The following FGF13 variants were observed in gnomAD, a reference collection of about 807,000 sequenced individuals.
FGF13 encodes fibroblast growth factor 13.
FGF13 carries 2 observed loss-of-function variants against 19.5 expected under a neutral mutation model. The ratio of observed to expected loss-of-function variants is 0.10; its 90% CI spans 0.04 to 0.32. The LOEUF (loss-of-function observed/expected upper bound fraction) is 0.32. Among genes scored for constraint, FGF13 ranks in the 10% least tolerant of loss-of-function variants. The pLI is 1.00. For synonymous variants in FGF13, 72 were observed against 76.9 expected (o/e 0.94, Z 0.33); for missense variants, 113 against 192.7 (o/e 0.59, Z 2.45).
intron 1 of FGF13, among the ~76,000 whole-genome samples, chrX:138,984,539 G>GAAGAAC (rs2091980400): frequency 3.4e-5 from 1 of 29,131 alleles, no homozygotes; most frequent in African/African-American, 1.2e-4. Flanking sequence ...AGAAGAAGAA[G>GAAGAAC]AAGAAGAAGA....
At chrX:139,046,274 G>A (rs1319616844) in intron 1 of FGF13, among the ~76,000 whole-genome samples, 1 of 111,193 alleles carries the variant, frequency 9.0e-6, no homozygotes, top group African/African-American at 3.3e-5. Context: ...GATCTTGTGA[G>A]AACTCACTAT....
intron 1 of FGF13, among the ~76,000 whole-genome samples, chrX:139,135,345 T>A (rs1403851462): frequency 8.9e-6 from 1 of 112,025 alleles, no homozygotes; most frequent in Non-Finnish European, 1.9e-5. Flanking sequence ...CATAAGAAAG[T>A]GATGATTGTA....
At chrX:138,633,520 C>T (rs1467674325) in intron 4 of FGF13, among the ~76,000 whole-genome samples, 4 of 111,984 alleles carry the variant, frequency 3.6e-5, no homozygotes, top group African/African-American at 1.3e-4. Flanking sequence ...CTGTACAAGG[C>T]AAATATTAAA....
chrX:138,943,612 T>A (rs1023859854), intron 1 of FGF13, among the ~76,000 whole-genome samples: 4 of 111,968 alleles, frequency 3.6e-5, no homozygotes, highest in Admixed American at 2.8e-4. Context: ...TGAACAGTAA[T>A]AGAAAGGAAG....
At chrX:138,809,525 A>G (rs2090903149) in intron 3 of FGF13, among the ~76,000 whole-genome samples, 1 of 111,834 alleles carries the variant, frequency 8.9e-6, no homozygotes, top group Admixed American at 9.5e-5. Flanking sequence ...ATTCCCTTTG[A>G]AAACTGGCAC....
chrX:138,929,235 CTGTGTGTGTG>C (rs10622697), intron 1 of FGF13, among the ~76,000 whole-genome samples: 2 of 97,789 alleles, frequency 2.0e-5, no homozygotes, highest in Non-Finnish European at 4.1e-5. Context: ...GAGGAAAACT[CTGTGTGTGTG>C]TGTGTGTGTG....
rs140049910 is a variant in FGF13 at position 138,866,901 on chromosome X, A to G, written c.-112-2251T>C. Among the ~76,000 whole-genome samples, 46 of 112,037 alleles carry G rather than the reference A, an allele frequency of 4.1e-4. No individual in the cohort carries two copies. In the East Asian group the frequency reaches 0.012, roughly 30 times the overall value. ...TCAATTCTCTTCTCTTCTGAGGCCAAGCATTATTTGGGCATCAGTTAAATA... is the reference window on the plus strand; with the variant it reads ...TCAATTCTCTTCTCTTCTGAGGCCAGGCATTATTTGGGCATCAGTTAAATA... On this transcript the variant is annotated intron_variant, in intron 1 of 2. Coordinates refer to the FGF13 transcript ENST00000421460.
chrX:138,869,868 G>C (rs1055499201), intron 1 of FGF13, among the ~76,000 whole-genome samples: 7 of 111,787 alleles, frequency 6.3e-5, no homozygotes, highest in Non-Finnish European at 1.3e-4. Flanking sequence ...TTATTTTCAG[G>C]GGGGCTGTCC....
At chrX:138,911,717 T>G (rs1052892449) in intron 1 of FGF13, among the ~76,000 whole-genome samples, 3 of 112,126 alleles carry the variant, frequency 2.7e-5, no homozygotes, top group Non-Finnish European at 5.6e-5. Context: ...TGAATCTCCA[T>G]GGCAAATATT....
chrX:138,847,509 A>G (rs2091191129), intron 3 of FGF13, among the ~76,000 whole-genome samples: 1 of 111,814 alleles, frequency 8.9e-6, no homozygotes, highest in Non-Finnish European at 1.9e-5. Flanking sequence ...GTGGAAGTGG[A>G]CAAGTGATTT....
chrX:139,179,884 T>A (rs1453274241), intron 1 of FGF13, among the ~76,000 whole-genome samples: 1 of 113,186 alleles, frequency 8.8e-6, no homozygotes, highest in Non-Finnish European at 1.9e-5. Flanking sequence ...GTATGGTCAA[T>A]AAAGGAAGGC....
chrX:139,093,502 T>A (rs2083451532), intron 1 of FGF13, among the ~76,000 whole-genome samples: 1 of 112,160 alleles, frequency 8.9e-6, no homozygotes, highest in Admixed American at 9.4e-5. Flanking sequence ...AACCTCCCAC[T>A]AGAGAGCTAA....
chrX:138,781,586 T>G lies in FGF13; in HGVS notation c.218-72658A>C, dbSNP rs767465933. On this transcript the variant is annotated intron_variant, in intron 3 of 6. Coordinates refer to the FGF13 transcript ENST00000436198. ...ATCTAGAAGAAATGGATAAATTCCT[T>G]GACACATACACTCTCCCAAGACTAA... is the stretch of plus-strand genomic sequence containing the variant. Among the ~76,000 whole-genome samples, 496 of 111,229 alleles carry G rather than the reference T, an allele frequency of 4.5e-3. 1 individual carries two copies. The highest frequency in any genetic ancestry group is 7.7e-3 in the Non-Finnish European group (410 of 52,964).
At chrX:138,954,921 G>C (rs1329783403) in intron 1 of FGF13, among the ~76,000 whole-genome samples, 2 of 112,172 alleles carry the variant, frequency 1.8e-5, no homozygotes, top group African/African-American at 6.5e-5. Flanking sequence ...CTCATTAATG[G>C]AAAGACACTT....
intron 1 of FGF13, among the ~76,000 whole-genome samples, chrX:138,906,076 C>A (rs958631896): frequency 9.0e-6 from 1 of 111,325 alleles, no homozygotes; most frequent in Non-Finnish European, 1.9e-5. Context: ...TTCCAAAAAA[C>A]CAATGCAAAA....
intron 1 of FGF13, among the ~76,000 whole-genome samples, chrX:139,048,079 C>T (rs1326657687): frequency 5.4e-5 from 6 of 110,914 alleles, no homozygotes; most frequent in African/African-American, 9.8e-5. Flanking sequence ...GAACATCACC[C>T]CACAGACATA....
In FGF13 at chrX:138,619,440, A is replaced by G. The variant is rs1387782076; in HGVS notation, c.*13410T>C. 3.6e-5 allele frequency: 4 copies of G among 111,729 alleles called. No individual in the cohort carries two copies. Among genetic ancestry groups the G allele is most frequent in the African/African-American group, 6.5e-5 (2 of 30,681 alleles). 9.2% of individuals were successfully genotyped at this position (111,729 alleles called of 1,213,427 possible). On this transcript the variant is annotated 3_prime_UTR_variant, in exon 5 of 5. Coordinates refer to ENST00000315930, the MANE Select transcript of FGF13 (RefSeq NM_004114.5). ...AAACCACCATGGCACGTGCATACCT[A>G]TGTAACAAACCTGCACATTCTGCAC...
At chrX:138,762,912 G>T (rs2090477488) in intron 3 of FGF13, among the ~76,000 whole-genome samples, 1 of 111,390 alleles carries the variant, frequency 9.0e-6, no homozygotes, top group African/African-American at 3.3e-5. Context: ...AGGAATGCTG[G>T]ATCTCAGGTC....
At chrX:139,100,041 A>AACACACACACACACACACACAC (rs56821859) in intron 1 of FGF13, among the ~76,000 whole-genome samples, 2 of 76,425 alleles carry the variant, frequency 2.6e-5, no homozygotes, top group Admixed American at 1.6e-4. Context: ...GGGGAAAGCA[A>AACACACACACACACACACACAC]ACACACACAC....
Sources: gnomAD v4.1 joint callset for allele counts (sites outside exome capture counted in the v4.1 genomes callset) on GRCh38, gnomAD v4.1.1 for gene constraint, MANE v1.5 for transcripts, NCBI Gene and HGNC (gene_info 2026-07-23, HGNC 2026-07-21) for gene names.